Variants in CCDC144A observed in about 807,000 individuals in gnomAD.
CCDC144A encodes the protein coiled-coil domain-containing protein 144A.
In CCDC144A, 41 loss-of-function variants were observed where a neutral mutation model predicts 143.8. The ratio of observed to expected loss-of-function variants is 0.29; its 90% CI spans 0.22 to 0.37. CCDC144A has a LOEUF of 0.37. Ranked by LOEUF, CCDC144A falls within the 10% of genes least tolerant of loss-of-function variation. The probability of loss-of-function intolerance (pLI) is 1.00; values close to 1 mark genes in which losing one functional copy is unlikely to be tolerated. For synonymous variants in CCDC144A, 242 were observed against 517.9 expected (o/e 0.47, Z 7.23); for missense variants, 637 against 1,488.8 (o/e 0.43, Z 9.41).
chr17:16,722,009 A>G (rs1364365142), intron 8 of CCDC144A, among the ~76,000 whole-genome samples: 1 of 152,152 alleles, frequency 6.6e-6, no homozygotes, highest in Admixed American at 6.5e-5. Flanking sequence ...ACATTCCTGT[A>G]TTGTTCCCGA....
chr17:16,724,940 C>T (rs62073717), intron 8 of CCDC144A, among the ~76,000 whole-genome samples: 3 of 144,844 alleles, frequency 2.1e-5, no homozygotes, highest in Non-Finnish European at 1.5e-5. Context: ...CATGAGCCAC[C>T]GCGCCCAGCC....
At chr17:16,718,834 T>G (rs971966797) in intron 6 of CCDC144A, among the ~76,000 whole-genome samples, 1 of 121,172 alleles carries the variant, frequency 8.3e-6, no homozygotes, top group Non-Finnish European at 1.7e-5. Flanking sequence ...TATAAAGTGT[T>G]TTTTTTTTTT....
At chr17:16,677,490 A>G in the CCDC144A span, among the ~76,000 whole-genome samples, 1 of 151,884 alleles carries the variant, frequency 6.6e-6, no homozygotes, top group African/African-American at 2.4e-5. Context: ...CAAATTCCCT[A>G]TGTGATGGTC....
intron 16 of CCDC144A, among the ~76,000 whole-genome samples, chr17:16,772,402 G>A (rs1915856635): frequency 6.6e-6 from 1 of 151,394 alleles, no homozygotes; most frequent in Non-Finnish European, 1.5e-5. Flanking sequence ...TATTCAAGCA[G>A]TTACAGTTTA....
chr17:16,734,317 C>T (rs189730653), intron 11 of CCDC144A, among the ~76,000 whole-genome samples: 4 of 152,150 alleles, frequency 2.6e-5, no homozygotes, highest in African/African-American at 9.6e-5. Flanking sequence ...ATATGCAAAG[C>T]TACAGCTTTT....
At chr17:16,669,413 C>T in the CCDC144A span, among the ~76,000 whole-genome samples, 2 of 152,224 alleles carry the variant, frequency 1.3e-5, no homozygotes, top group African/African-American at 4.8e-5. Flanking sequence ...TCTCAGTTCT[C>T]ATATCAGCAG....
At chr17:16,728,032 G>A (rs1375632800) in intron 9 of CCDC144A, 1 of 308,370 alleles carries the variant, frequency 3.2e-6, no homozygotes, top group Non-Finnish European at 6.2e-6. Flanking sequence ...TATAATTAAT[G>A]ATGTAAGGAA....
the CCDC144A span, chr17:16,683,462 C>A: frequency 7.6e-7 from 1 of 1,310,302 alleles, no homozygotes; most frequent in African/African-American, 1.5e-5. Context: ...TCCCTGGCGG[C>A]AGAGTCGCCT....
chr17:16,709,675 A>T (rs1207618712), intron 5 of CCDC144A, 40 bp downstream of exon 5: 1 of 1,595,742 alleles, frequency 6.3e-7, no homozygotes, highest in Non-Finnish European at 8.5e-7. Flanking sequence ...TTTTTCTCTC[A>T]ATTATCTGGT....
In CCDC144A at chr17:16,709,638, A is replaced by G. The variant is rs113734367; in HGVS notation, c.1578+3A>G. On this transcript the variant is annotated splice_donor_region_variant and intron_variant, in intron 5 of 16. Transcript: ENST00000399273. ...AAGATGTTCAACTTCATAAAGATGT[A>G]GGGTTTTACTTGCTGCCACTCTTTG... 6.2e-7 allele frequency: 1 copy of G among 1,610,828 alleles called. No individual in the cohort carries two copies. The highest frequency in any genetic ancestry group is 1.3e-5 in the African/African-American group (1 of 74,934).
In CCDC144A at chr17:16,746,892, C is replaced by T. The variant is rs1914560677; in HGVS notation, c.3372+11249C>T. On this transcript the variant is annotated intron_variant, in intron 12 of 16. Transcript: ENST00000399273. ...CCCTTCTCTCCCTTCTCTCCCTCCCCTCCCTCCCCTCCCTCCCCTCTAGGT... is the reference window on the plus strand; with the variant it reads ...CCCTTCTCTCCCTTCTCTCCCTCCCTTCCCTCCCCTCCCTCCCCTCTAGGT... 1.3e-5 allele frequency: 8 copies of T among 615,796 alleles called. No homozygotes were observed. In the Admixed American group the frequency reaches 1.9e-4, roughly 15 times the overall value. The allele number at this position is 615,796 out of a possible 1,614,324, so 38.1% of individuals were successfully genotyped here.
At chr17:16,690,833 G>C (rs2143024865) in intron 1 of CCDC144A, 89 bp downstream of exon 1, 2 of 1,329,340 alleles carry the variant, frequency 1.5e-6, no homozygotes, top group Non-Finnish European at 2.1e-6. Context: ...ATGGGGAAAC[G>C]TCAGAGGGGT....
chr17:16,746,877 C>A, intron 12 of CCDC144A: 1 of 687,396 alleles, frequency 1.5e-6, no homozygotes. Context: ...CCCTTCTCTC[C>A]CTTCTCTCCC....
intron 12 of CCDC144A, chr17:16,746,380 C>G (rs1199507790): frequency 1.4e-6 from 2 of 1,401,634 alleles, no homozygotes; most frequent in African/African-American, 3.0e-5. Flanking sequence ...CTCGAATTCT[C>G]TGCTTTTCTA....
chr17:16,735,774 A>T lies in CCDC144A; in HGVS notation c.3372+131A>T. The T allele has an allele frequency of 3.5e-6, 3 of 849,928 alleles. No individual in the cohort carries two copies. The East Asian group carries it at 8.1e-5, about 23-fold the overall frequency. The allele number at this position is 849,928 out of a possible 1,614,324, so 52.6% of individuals were successfully genotyped here. A position where few individuals can be genotyped will look rare whatever the true frequency, so the allele number is the denominator to read the frequency against. ...AGATCATAAATGTACTTGCTGTATCAGCCTAGAAATGTACCAGTGAAAAAG... is the reference window on the plus strand; with the variant it reads ...AGATCATAAATGTACTTGCTGTATCTGCCTAGAAATGTACCAGTGAAAAAG... On this transcript the variant is annotated intron_variant, in intron 12 of 16. Transcript: ENST00000399273.
chr17:16,721,328 CTTTA>C, intron 8 of CCDC144A, among the ~76,000 whole-genome samples: 1 of 151,860 alleles, frequency 6.6e-6, no homozygotes, highest in East Asian at 1.9e-4. Context: ...CTTTGTCTTT[CTTTA>C]TTAAGAAACT....
the CCDC144A span, chr17:16,684,299 G>T: frequency 1.3e-6 from 1 of 771,204 alleles, no homozygotes. Context: ...AGAGATTAAT[G>T]GTTTATGTAA....
At chr17:16,683,025 C>T in the CCDC144A span, among the ~76,000 whole-genome samples, 1 of 148,640 alleles carries the variant, frequency 6.7e-6, no homozygotes, top group Non-Finnish European at 1.5e-5. Flanking sequence ...CCTCCTGCTT[C>T]TACTCACAGA....
At chr17:16,695,050 A>G (rs1911317404) in intron 2 of CCDC144A, among the ~76,000 whole-genome samples, 1 of 152,224 alleles carries the variant, frequency 6.6e-6, no homozygotes, top group Admixed American at 6.5e-5. Context: ...AATTTAGTAC[A>G]TGTTAATCAA....
Sources: allele counts gnomAD v4.1 joint callset (sites outside exome capture counted in the v4.1 genomes callset), GRCh38; gene constraint gnomAD v4.1.1; transcripts MANE v1.5; gene names NCBI Gene and HGNC (gene_info 2026-07-23, HGNC 2026-07-21).